RALGAPA1: variants seen among roughly 807,000 people sequenced by gnomAD.
RALGAPA1 encodes the protein Ral GTPase activating protein catalytic subunit alpha 1, also known as ral GTPase-activating protein subunit alpha-1.
In RALGAPA1, 52 loss-of-function variants were observed where a neutral mutation model predicts 269.6. That is an observed-to-expected ratio of 0.19 (90% CI 0.15 to 0.24). The LOEUF (loss-of-function observed/expected upper bound fraction) is 0.24, where lower values mean the gene tolerates loss of function less well. Ranked by LOEUF, RALGAPA1 falls within the 10% of genes least tolerant of loss-of-function variation. The pLI, the probability that RALGAPA1 is intolerant of heterozygous loss-of-function variation, is 1.00. For missense variants in RALGAPA1, 1,917 were observed against 3,013.9 expected (o/e 0.64, Z 8.52); for synonymous variants, 817 against 1,008.3 (o/e 0.81, Z 3.60).
At chr14:35,738,778 G>T (rs1385543040) in intron 11 of RALGAPA1, 128 bp from the exon 12 acceptor site, 3 of 668,848 alleles carry the variant, frequency 4.5e-6, no homozygotes, top group Admixed American at 6.4e-5. Context: ...CAAAATAGAT[G>T]ATGTCTTATC....
chr14:35,560,175 G>A (rs1206375622), intron 39 of RALGAPA1, among the ~76,000 whole-genome samples: 2 of 152,164 alleles, frequency 1.3e-5, no homozygotes, highest in East Asian at 3.8e-4. Flanking sequence ...AATAGCAGAA[G>A]GAACTGTTAC....
In RALGAPA1 at chr14:35,738,497, C is replaced by T. The variant is rs1397478463; in HGVS notation, c.1587+16G>A. ...ATGATTATTTTATTTTTAAAAATAG[C>T]CATAAAGTGATCCACCTGCAAAACT... On this transcript the variant is annotated intron_variant, in intron 12 of 41. Transcript: ENST00000680220. 12 of 1,576,666 alleles carry T rather than the reference C, an allele frequency of 7.6e-6. No homozygotes were observed. The highest frequency in any genetic ancestry group is 1.0e-5 in the Non-Finnish European group (12 of 1,165,314).
At chr14:35,546,923 T>C (rs143865833) in intron 41 of RALGAPA1, among the ~76,000 whole-genome samples, 6 of 152,246 alleles carry the variant, frequency 3.9e-5, no homozygotes, top group African/African-American at 1.2e-4. Flanking sequence ...TTTGCTACTC[T>C]TAAGAGTAAA....
intron 39 of RALGAPA1, among the ~76,000 whole-genome samples, chr14:35,563,983 T>C (rs1389725898): frequency 4.6e-5 from 7 of 152,176 alleles, no homozygotes; most frequent in Non-Finnish European, 1.5e-5. Flanking sequence ...TGTATTGCTT[T>C]TGTACCATCA....
chr14:35,793,238 CTTTT>C (rs762905743), intron 1 of RALGAPA1, among the ~76,000 whole-genome samples: 1 of 141,046 alleles, frequency 7.1e-6, no homozygotes. Flanking sequence ...CCAAAGTCTA[CTTTT>C]TTTTTTTTTT....
intron 41 of RALGAPA1, among the ~76,000 whole-genome samples, chr14:35,541,040 A>ATTTTTTTTTTTTTTTTTTTTTTTTTG (rs559979336): frequency 1.1e-5 from 1 of 89,164 alleles, no homozygotes; most frequent in Non-Finnish European, 2.0e-5. Flanking sequence ...GAACACTTCA[A>ATTTTTTTTTTTTTTTTTTTTTTTTTG]TTTTTTTTTT....
chr14:35,784,433 A>G lies in RALGAPA1; in HGVS notation c.107-8688T>C, dbSNP rs962099865. 5.3e-5 allele frequency among the ~76,000 whole-genome samples: 8 copies of G among 152,298 alleles called. No homozygotes were observed. The East Asian group carries it at 1.5e-3, about 29-fold the overall frequency. On this transcript the variant is annotated intron_variant, in intron 1 of 41. Transcript: ENST00000680220. ...CAGAAGAGTCAACCACAGAGATGGA[A>G]AGTATCTAATGGCTGGCAGGGGCAG... is the stretch of plus-strand genomic sequence containing the variant.
chr14:35,709,645 A>G (rs1158173855), intron 16 of RALGAPA1, among the ~76,000 whole-genome samples: 2 of 151,764 alleles, frequency 1.3e-5, no homozygotes, highest in African/African-American at 4.8e-5. Flanking sequence ...GGAAGCTTAG[A>G]TTACTGGTTT....
chr14:35,570,421 C>T (rs377177741), intron 39 of RALGAPA1, among the ~76,000 whole-genome samples, 196 bp downstream of exon 39: 3 of 152,030 alleles, frequency 2.0e-5, no homozygotes, highest in African/African-American at 7.2e-5. Context: ...CTTTAGGAGG[C>T]TGACCAAGGT....
At chr14:35,674,773 AAC>A (rs2064797339) in intron 22 of RALGAPA1, 64 bp from the exon 23 acceptor site, 1 of 688,470 alleles carries the variant, frequency 1.5e-6, no homozygotes, top group Non-Finnish European at 2.4e-6. Context: ...CCCCCCAAGA[AAC>A]CAAGCTAAAT....
intron 17 of RALGAPA1, among the ~76,000 whole-genome samples, chr14:35,695,393 T>C (rs1228040416): frequency 6.6e-6 from 1 of 152,184 alleles, no homozygotes; most frequent in African/African-American, 2.4e-5. Flanking sequence ...ATTCTCCTTA[T>C]TGGGCAGAAT....
rs910393295 is a variant in RALGAPA1, at chr14:35,688,729, C to A, written c.3682G>T (p.Val1228Leu). 33 of 1,467,350 alleles carry A rather than the reference C, an allele frequency of 2.2e-5. No homozygotes were observed. The African/African-American group carries it at 4.1e-4, about 18-fold the overall frequency. The allele number at this position is 1,467,350 out of a possible 1,614,324, so 90.9% of individuals were successfully genotyped here. ...GTGGGAATCTCTGTGGATTCCTTCA[C>A]TGTTTTGCTGCTTACTGATGCAGTA... ...LGTASVSSKT[V>L]KESTEIPTTI... Residue 1228 changes from valine (V) to leucine (L), a missense_variant, in exon 18 of 42, where the codon GTG becomes TTG. By Grantham distance (32) the Val-to-Leu change is conservative. Coordinates refer to ENST00000680220, the MANE Select transcript of RALGAPA1 (RefSeq NM_001346249.2).
chr14:35,787,407 G>T (rs1233630881), intron 1 of RALGAPA1, among the ~76,000 whole-genome samples: 1 of 152,132 alleles, frequency 6.6e-6, no homozygotes, highest in Admixed American at 6.6e-5. Flanking sequence ...CAATCTAAAA[G>T]AATTCACATT....
chr14:35,580,826 G>T lies in RALGAPA1; in HGVS notation c.7210-8108C>A, dbSNP rs528887714. ...CATAAATAATTCTAGCTTGCCAGAG[G>T]CATGGCTATTTCTTTATACTGACTG... On this transcript the variant is annotated intron_variant, in intron 37 of 41. Transcript: ENST00000680220. Among the ~76,000 whole-genome samples, 3 of 152,182 alleles carry T rather than the reference G, an allele frequency of 2.0e-5. No homozygotes were observed. In the South Asian group the frequency reaches 6.2e-4, roughly 32 times the overall value.
At chr14:35,737,234 TA>T (rs1223023149) in intron 12 of RALGAPA1, among the ~76,000 whole-genome samples, 2 of 151,722 alleles carry the variant, frequency 1.3e-5, no homozygotes, top group Non-Finnish European at 2.9e-5. Flanking sequence ...ATTTCACATA[TA>T]AAGGACCAGC....
chr14:35,724,676 C>T (rs1263146012), intron 14 of RALGAPA1, among the ~76,000 whole-genome samples: 3 of 152,112 alleles, frequency 2.0e-5, no homozygotes, highest in Non-Finnish European at 4.4e-5. Flanking sequence ...ACTCATAAAG[C>T]AGTCAGGTCA....
intron 27 of RALGAPA1, among the ~76,000 whole-genome samples, chr14:35,664,368 G>C (rs2063768314): frequency 6.6e-6 from 1 of 152,114 alleles, no homozygotes; most frequent in Admixed American, 6.5e-5. Context: ...CTGGCTCATG[G>C]GGTATTTCAA....
chr14:35,588,806 C>CA (rs1223399187), intron 37 of RALGAPA1, among the ~76,000 whole-genome samples: 4 of 152,160 alleles, frequency 2.6e-5, no homozygotes, highest in Admixed American at 6.5e-5. Context: ...TCTGCACACT[C>CA]ACGTTCAGTG....
intron 31 of RALGAPA1, among the ~76,000 whole-genome samples, chr14:35,644,371 T>C (rs1195652934): frequency 1.3e-5 from 2 of 151,982 alleles, no homozygotes; most frequent in African/African-American, 2.4e-5. Flanking sequence ...GGATGAACCA[T>C]AGACTAAAAA....
Sources: allele counts gnomAD v4.1 joint callset (sites outside exome capture counted in the v4.1 genomes callset), GRCh38; gene constraint gnomAD v4.1.1; transcripts MANE v1.5; gene names NCBI Gene and HGNC (gene_info 2026-07-23, HGNC 2026-07-21).